The following KLHL32 variants were observed in gnomAD, a reference collection of about 807,000 sequenced individuals.
KLHL32 encodes the protein kelch like family member 32, also known as kelch-like protein 32.
Under a neutral mutation model 64.8 loss-of-function variants are expected in KLHL32, and 35 were observed. The ratio of observed to expected loss-of-function variants is 0.54; its 90% confidence interval spans 0.41 to 0.72. KLHL32 has a LOEUF of 0.72. Ranked by LOEUF, KLHL32 falls within the 30% of genes least tolerant of loss-of-function variation. The probability of loss-of-function intolerance (pLI) is 0.00; values close to 1 mark genes in which losing one functional copy is unlikely to be tolerated. For synonymous variants in KLHL32, 259 were observed against 281.0 expected, an observed-to-expected ratio of 0.92 and a Z score of 0.78; for missense variants, 589 against 768.5, an observed-to-expected ratio of 0.77 and a Z score of 2.76.
chr6:97,024,877 A>C (rs189591258), intron 3 of KLHL32: 131 of 469,272 alleles, frequency 2.8e-4, no homozygotes, highest in African/African-American at 2.6e-3. Context: ...TTTGTTTCAA[A>C]TATATATTGA....
At chr6:96,988,257 GA>G (rs956295817) in intron 3 of KLHL32, among the ~76,000 whole-genome samples, 66 of 152,090 alleles carry the variant, frequency 4.3e-4, no homozygotes, top group Non-Finnish European at 7.9e-4. Context: ...AAATCTACAA[GA>G]AAAAAACAAA....
chr6:97,014,292 C>G (rs1271535270), intron 3 of KLHL32, among the ~76,000 whole-genome samples: 1 of 140,408 alleles, frequency 7.1e-6, no homozygotes, highest in East Asian at 2.1e-4. Flanking sequence ...GAGACTCCGT[C>G]TCAAAAAAAA....
At chr6:96,966,360 A>C (rs1454413762) in intron 1 of KLHL32, among the ~76,000 whole-genome samples, 2 of 152,204 alleles carry the variant, frequency 1.3e-5, no homozygotes, top group Non-Finnish European at 2.9e-5. Flanking sequence ...GGACTAAATG[A>C]ATAAATGTGC....
the KLHL32 span, among the ~76,000 whole-genome samples, chr6:96,910,546 G>C: frequency 2.0e-5 from 3 of 152,108 alleles, no homozygotes; most frequent in Non-Finnish European, 4.4e-5. Flanking sequence ...ACTTCATATG[G>C]TGATTTGCAA....
intron 3 of KLHL32, among the ~76,000 whole-genome samples, chr6:97,009,974 C>T (rs1350991018): frequency 1.3e-5 from 2 of 152,010 alleles, no homozygotes; most frequent in South Asian, 2.1e-4. Context: ...ACAGAGGCTT[C>T]TATGTCTCCA....
intron 3 of KLHL32, among the ~76,000 whole-genome samples, chr6:96,985,405 G>T (rs146336152): frequency 0.32 from 48,751 of 151,894 alleles, 8,611 homozygotes; most frequent in African/African-American, 0.48. Flanking sequence ...TTTCCTGAAT[G>T]TGAATGTTGG....
In KLHL32 at chr6:97,049,494, G is replaced by A. The variant is rs566854557; in HGVS notation, c.312+7895G>A. Among the ~76,000 whole-genome samples, 6 of 130,230 alleles carry A rather than the reference G, an allele frequency of 4.6e-5. No homozygotes were observed. The South Asian group carries it at 1.2e-3, about 27-fold the overall frequency. The allele number at this position is 130,230 out of a possible 152,430, so 85.4% of individuals were successfully genotyped here. ...GTGCATAATTTAAAACTCATGAATCGTTTATTTCTAGAATTTTCTATTTAA... is the reference window on the plus strand; with the variant it reads ...GTGCATAATTTAAAACTCATGAATCATTTATTTCTAGAATTTTCTATTTAA... On this transcript the variant is annotated intron_variant, in intron 4 of 10. Transcript: ENST00000369261.
At chr6:97,016,249 C>T (rs6901349) in intron 3 of KLHL32, among the ~76,000 whole-genome samples, 12,479 of 152,158 alleles carry the variant, frequency 0.082, 1,084 homozygotes, top group Admixed American at 0.22. Flanking sequence ...CTGTGTGCCT[C>T]GGAAAGCTGA....
chr6:96,932,289 C>T (rs1245520563), intron 1 of KLHL32, among the ~76,000 whole-genome samples: 3 of 146,594 alleles, frequency 2.0e-5, no homozygotes, highest in Non-Finnish European at 4.5e-5. Context: ...TAATTACCTA[C>T]AATCTGATTT....
intron 6 of KLHL32, among the ~76,000 whole-genome samples, chr6:97,106,149 A>G (rs1796378476): frequency 6.6e-6 from 1 of 152,216 alleles, no homozygotes; most frequent in Non-Finnish European, 1.5e-5. Context: ...TTTCACATGA[A>G]CAATAAAGGA....
chr6:97,098,890 A>G (rs1434892137), intron 6 of KLHL32, among the ~76,000 whole-genome samples: 1 of 152,244 alleles, frequency 6.6e-6, no homozygotes, highest in Non-Finnish European at 1.5e-5. Flanking sequence ...TTTGGAGAGA[A>G]GTGCATCAGT....
chr6:97,129,274 G>T (rs1799190802), intron 8 of KLHL32, among the ~76,000 whole-genome samples: 1 of 152,104 alleles, frequency 6.6e-6, no homozygotes, highest in Admixed American at 6.6e-5. Context: ...GAAATTCTAT[G>T]TATTCAAAAC....
At chr6:96,940,308 A>C (rs1485684817) in intron 1 of KLHL32, among the ~76,000 whole-genome samples, 1 of 152,202 alleles carries the variant, frequency 6.6e-6, no homozygotes, top group Non-Finnish European at 1.5e-5. Context: ...TTAAATCTCA[A>C]GGAACTGTAG....
chr6:97,063,775 A>G (rs988467701), intron 4 of KLHL32, among the ~76,000 whole-genome samples: 3 of 152,216 alleles, frequency 2.0e-5, no homozygotes, highest in Non-Finnish European at 2.9e-5. Flanking sequence ...CTGCTGGTCC[A>G]GAGACCAGAT....
chr6:96,911,814 C>T, the KLHL32 span, among the ~76,000 whole-genome samples: 1 of 100,474 alleles, frequency 1.0e-5, no homozygotes, highest in Non-Finnish European at 2.2e-5. Flanking sequence ...TATCTCCCTG[C>T]TCGGTCCTTC....
intron 3 of KLHL32, among the ~76,000 whole-genome samples, chr6:96,991,105 C>T (rs1206110): frequency 6.6e-6 from 1 of 151,566 alleles, no homozygotes; most frequent in Non-Finnish European, 1.5e-5. Context: ...CTCCTTATGG[C>T]GGTTTTGGTG....
chr6:97,059,174 A>G (rs1788476342), intron 4 of KLHL32, among the ~76,000 whole-genome samples: 1 of 152,200 alleles, frequency 6.6e-6, no homozygotes, highest in Admixed American at 6.5e-5. Context: ...CAAGCTTTGT[A>G]TAAGGAGTGG....
At chr6:96,967,187 A>AAAAAAATAT in intron 2 of KLHL32, 104 bp downstream of exon 2, 1 of 979,436 alleles carries the variant, frequency 1.0e-6, no homozygotes. Context: ...TGCATATTTG[A>AAAAAAATAT]AGGAATCATC....
chr6:96,943,578 T>C (rs934416322), intron 1 of KLHL32, among the ~76,000 whole-genome samples: 1 of 152,196 alleles, frequency 6.6e-6, no homozygotes, highest in African/African-American at 2.4e-5. Context: ...GGAAACAAAC[T>C]GGCTTGGCCA....
Sources: gnomAD v4.1 joint callset for allele counts (sites outside exome capture counted in the v4.1 genomes callset) on GRCh38, gnomAD v4.1.1 for gene constraint, MANE v1.5 for transcripts, NCBI Gene and HGNC (gene_info 2026-07-23, HGNC 2026-07-21) for gene names.